The following BAIAP2L2 variants were observed in gnomAD, a reference collection of about 807,000 sequenced individuals.
BAIAP2L2 encodes the protein BAR/IMD domain containing adaptor protein 2 like 2.
BAIAP2L2 carries 65 observed loss-of-function variants against 60.4 expected under a neutral mutation model. The ratio of observed to expected loss-of-function variants is 1.08; its 90% CI spans 0.88 to 1.32. The LOEUF (loss-of-function observed/expected upper bound fraction) is 1.32. Among genes scored for constraint, BAIAP2L2 ranks in the 40% most tolerant of loss-of-function variants. The probability of loss-of-function intolerance (pLI) is 0.00; values close to 1 mark genes in which losing one functional copy is unlikely to be tolerated. For missense variants in BAIAP2L2, 836 were observed against 741.2 expected, an observed-to-expected ratio of 1.13 and a Z score of -1.48; for synonymous variants, 344 against 301.7, an observed-to-expected ratio of 1.14 and a Z score of -1.45.
At chr22:38,097,693 C>G (rs1602015824) in intron 6 of BAIAP2L2, among the ~76,000 whole-genome samples, 1 of 152,112 alleles carries the variant, frequency 6.6e-6, no homozygotes, top group East Asian at 1.9e-4. Context: ...CGGGATACCT[C>G]TGCCAGGCAG....
chr22:38,088,680 CCCCGGGTT>C, intron 10 of BAIAP2L2, 60 bp downstream of exon 10: 1 of 1,466,046 alleles, frequency 6.8e-7, no homozygotes. Context: ...TCCGGCAGGT[CCCCGGGTT>C]CCCGGCCCCC....
intron 6 of BAIAP2L2, 54 bp downstream of exon 6, chr22:38,098,009 C>CCCCCCCCT: frequency 7.1e-6 from 4 of 565,288 alleles, no homozygotes; most frequent in Middle Eastern, 6.9e-4. Context: ...GGTCTCGCCC[C>CCCCCCCCT]GAGGTCTGCC....
In BAIAP2L2 at chr22:38,089,572, G is replaced by C. The variant is rs2086228855; in HGVS notation, c.715C>G (p.Leu239Val). 1 of 1,231,710 alleles carries C rather than the reference G, an allele frequency of 8.1e-7. No homozygotes were observed. Among genetic ancestry groups the C allele is most frequent in the African/African-American group, 1.6e-5 (1 of 64,054 alleles). The allele number at this position is 1,231,710 out of a possible 1,614,324, so 76.3% of individuals were successfully genotyped here. A position where few individuals can be genotyped will look rare whatever the true frequency, so the allele number is the denominator to read the frequency against. Residue 239 changes from leucine to valine, a missense_variant, in exon 8 of 14, where the codon CTG becomes GTG. Physicochemically the swap from Leu to Val is conservative, Grantham distance 32. Transcript: ENST00000381669. Reference protein sequence around the residue: ...AHSPGLLGPALGPPYPSGRLT... With the variant: ...AHSPGLLGPAVGPPYPSGRLT... ...CGGCCCGAGGGGTAGGGCGGCCCCA[G>C]CGCGGGGCCCAGCAGGCCGGGGGAG...
chr22:38,105,870 T>C (rs1258094352), intron 4 of BAIAP2L2, among the ~76,000 whole-genome samples: 2 of 152,104 alleles, frequency 1.3e-5, no homozygotes, highest in East Asian at 1.9e-4. Flanking sequence ...TCAGTAGGGA[T>C]CAAATAAATG....
intron 8 of BAIAP2L2, 49 bp downstream of exon 8, chr22:38,089,473 C>CGGG (rs930387710): frequency 1.0e-4 from 112 of 1,095,108 alleles, no homozygotes; most frequent in Non-Finnish European, 1.2e-4. Context: ...CGGGCCCCCG[C>CGGG]GGGGGGCGGC....
At chr22:38,088,070 C>G (rs181612391) in intron 10 of BAIAP2L2, among the ~76,000 whole-genome samples, 1 of 152,190 alleles carries the variant, frequency 6.6e-6, no homozygotes, top group African/African-American at 2.4e-5. Flanking sequence ...ATTCATCCTG[C>G]GCTGCTTCTC....
chr22:38,091,441 T>C (rs561332968), intron 7 of BAIAP2L2: 3 of 152,212 alleles, frequency 2.0e-5, no homozygotes, highest in Non-Finnish European at 4.4e-5. Context: ...TGGATACCCA[T>C]TCTCCAGCAT....
intron 3 of BAIAP2L2, 94 bp from the exon 4 acceptor site, chr22:38,108,007 C>A: frequency 7.3e-7 from 1 of 1,373,906 alleles, no homozygotes; most frequent in Non-Finnish European, 1.0e-6. Context: ...GAGGGCCTGC[C>A]CGAGACTGGA....
chr22:38,108,002 C>G, intron 3 of BAIAP2L2, 89 bp from the exon 4 acceptor site: 1 of 1,372,780 alleles, frequency 7.3e-7, no homozygotes, highest in Non-Finnish European at 1.0e-6. Context: ...CAACAGAGGG[C>G]CTGCCCGAGA....
rs541305713 is a variant in BAIAP2L2 at position 38,100,369 on chromosome 22, TA to T, written c.277-1888del. On this transcript the variant is annotated intron_variant, in intron 4 of 13. Coordinates refer to ENST00000381669, the MANE Select transcript of BAIAP2L2 (RefSeq NM_025045.6). Reference sequence around the variant, plus strand: ...GCTGAAACCCCGTCTCTACTAAAAATAAAAAAATCAGCTGGGCCTGGTGGCG... The same window carrying T: ...GCTGAAACCCCGTCTCTACTAAAAATAAAAAATCAGCTGGGCCTGGTGGCG... Among the ~76,000 whole-genome samples the T allele has an allele frequency of 5.4e-3, 826 of 151,564 alleles. 4 individuals are homozygous for T. Among genetic ancestry groups the T allele is most frequent in the African/African-American group, 0.019 (785 of 41,258 alleles).
In BAIAP2L2 at chr22:38,108,288, G is replaced by A. The variant is rs780903821; in HGVS notation, c.181C>T (p.Arg61Cys). ...YFSAIQKIGE[R>C]ALQSPTSQIL... is the part of the protein sequence containing the mutation. ...TGTGAGGTGGGGCTCTGCAGGGCAC[G>A]CTCCCCAATCTTCTGGATGGCACTG... The change falls in exon 3 of 14, where the codon CGT becomes TGT. Residue 61 changes from arginine (R) to cysteine (C), a missense_variant. Coordinates refer to ENST00000381669, the MANE Select transcript of BAIAP2L2 (RefSeq NM_025045.6). 11 of 1,612,614 alleles carry A rather than the reference G, an allele frequency of 6.8e-6. No homozygotes were observed. The highest frequency in any genetic ancestry group is 5.3e-5 in the African/African-American group (4 of 74,936).
intron 6 of BAIAP2L2, 116 bp from the exon 7 acceptor site, chr22:38,097,294 GC>G: frequency 1.7e-6 from 2 of 1,173,968 alleles, no homozygotes; most frequent in Non-Finnish European, 2.4e-6. Context: ...CTCTCCCCAA[GC>G]CCACCCCCCA....
intron 4 of BAIAP2L2, among the ~76,000 whole-genome samples, chr22:38,102,385 C>G (rs1397893923): frequency 6.6e-6 from 1 of 152,102 alleles, no homozygotes; most frequent in Non-Finnish European, 1.5e-5. Flanking sequence ...AAGGGAGCTG[C>G]CATATTTTTG....
At chr22:38,105,585 C>T (rs1004768311) in intron 4 of BAIAP2L2, among the ~76,000 whole-genome samples, 6 of 152,076 alleles carry the variant, frequency 3.9e-5, no homozygotes, top group African/African-American at 9.6e-5. Context: ...TCAGGTGATC[C>T]GCCCACCTCG....
Position 38,085,178 on chromosome 22 carries a change from A to C in BAIAP2L2, c.*122T>G, listed in dbSNP as rs2086017477. 11 of 1,072,848 alleles carry C rather than the reference A, an allele frequency of 1.0e-5. No homozygotes were observed. The South Asian group carries it at 1.2e-4, about 12-fold the overall frequency. The allele number at this position is 1,072,848 out of a possible 1,614,324, so 66.5% of individuals were successfully genotyped here. Reference sequence around the variant, plus strand: ...GCTGCCGGGGTGGTCTGGGGAGGGCAGCCACCCCCCGTCTCAGGGACCCGC... The same window carrying C: ...GCTGCCGGGGTGGTCTGGGGAGGGCCGCCACCCCCCGTCTCAGGGACCCGC... On this transcript the variant is annotated 3_prime_UTR_variant, in exon 14 of 14. Coordinates refer to ENST00000381669, the MANE Select transcript of BAIAP2L2 (RefSeq NM_025045.6).
chr22:38,099,883 A>C (rs2086529134), intron 4 of BAIAP2L2, among the ~76,000 whole-genome samples: 2 of 152,222 alleles, frequency 1.3e-5, no homozygotes, highest in South Asian at 4.1e-4. Flanking sequence ...ATCGCCCAGA[A>C]AAGGAATGCT....
At chr22:38,104,156 T>C (rs962805261) in intron 4 of BAIAP2L2, among the ~76,000 whole-genome samples, 1 of 152,212 alleles carries the variant, frequency 6.6e-6, no homozygotes, top group African/African-American at 2.4e-5. Flanking sequence ...TGGGTAATAA[T>C]AGCAGATAAG....
chr22:38,089,203 G>C lies in BAIAP2L2; in HGVS notation c.794C>G (p.Ser265Cys). 1.6e-6 allele frequency: 2 copies of C among 1,241,516 alleles called. No individual in the cohort carries two copies. The highest frequency in any genetic ancestry group is 1.0e-6 in the Non-Finnish European group (1 of 990,908). 76.9% of individuals were successfully genotyped at this position (1,241,516 alleles called of 1,614,324 possible). The change falls in exon 9 of 14, where the codon TCC (serine) becomes TGC (cysteine). Residue 265 changes from serine to cysteine, a missense_variant. Ser to Cys is a moderately radical substitution (Grantham distance 112). Coordinates refer to ENST00000381669, the MANE Select transcript of BAIAP2L2 (RefSeq NM_025045.6). ...GCCGGAGCCGTGCCGGCTGCGGGGGGAGCTGAACTCTCCCAGGGGCCTCGG... is the reference window on the plus strand; with the variant it reads ...GCCGGAGCCGTGCCGGCTGCGGGGGCAGCTGAACTCTCCCAGGGGCCTCGG... The part of the protein sequence containing the change: ...MPPRPLGEFS[S>C]PRSRHGSGSY...
At position 38,097,162 on chromosome 22, in the gene BAIAP2L2, A is replaced by G. The variant is rs1401718878; in HGVS notation, c.482T>C (p.Leu161Pro). The G allele has an allele frequency of 2.5e-6, 4 of 1,613,666 alleles. No individual in the cohort carries two copies. Among genetic ancestry groups the G allele is most frequent in the Non-Finnish European group, 3.4e-6 (4 of 1,179,990 alleles). ...CACGAAGGCCTGCATCTGTGCGTGC[A>G]GCCGGTTCACACTCTCCTGGGGGGG... ...VREMKESVNR[L>P]HAQMQAFVSE... The change falls in exon 7 of 14, where the codon CTG becomes CCG. Residue 161 changes from leucine (L) to proline (P), a missense_variant. Transcript: ENST00000381669.
Sources: allele counts gnomAD v4.1 joint callset (sites outside exome capture counted in the v4.1 genomes callset), GRCh38; gene constraint gnomAD v4.1.1; transcripts MANE v1.5; gene names NCBI Gene and HGNC (gene_info 2026-07-23, HGNC 2026-07-21).